KLHL36: variants seen among roughly 807,000 people sequenced by gnomAD.
The protein encoded by KLHL36 is kelch like family member 36.
In KLHL36, 35 loss-of-function variants were observed where a neutral mutation model predicts 53.3. The observed-to-expected ratio is 0.66, with a 90% CI of 0.50 to 0.87. The LOEUF (loss-of-function observed/expected upper bound fraction) is 0.87. Among genes scored for constraint, KLHL36 ranks in the 40% least tolerant of loss-of-function variants. The pLI is 0.00. For synonymous variants in KLHL36, 472 were observed against 398.9 expected, an observed-to-expected ratio of 1.18 and a Z score of -2.18; for missense variants, 864 against 897.6, an observed-to-expected ratio of 0.96 and a Z score of 0.48.
chr16:84,656,487 C>G (rs1344736232), intron 2 of KLHL36, among the ~76,000 whole-genome samples: 2 of 151,482 alleles, frequency 1.3e-5, no homozygotes, highest in African/African-American at 4.9e-5. Flanking sequence ...CCAGGCTGCT[C>G]TCAAACTCCA....
chr16:84,659,617 C>A (rs761621906), intron 3 of KLHL36, 143 bp from the exon 4 acceptor site: 4 of 827,732 alleles, frequency 4.8e-6, no homozygotes, highest in Non-Finnish European at 7.6e-6. Flanking sequence ...CCTGAAGAAG[C>A]CCTCTTTATT....
intron 2 of KLHL36, among the ~76,000 whole-genome samples, chr16:84,652,483 A>G (rs1401947284): frequency 1.3e-5 from 2 of 152,044 alleles, no homozygotes; most frequent in Admixed American, 6.6e-5. Context: ...GTTGGCCAGG[A>G]TGGTCTTGAT....
Position 84,657,766 on chromosome 16 carries a change from C to G in KLHL36, c.959C>G (p.Ala320Gly), listed in dbSNP as rs1251109294. ...ELSDDTCYLDAKSEQWVKETP... is the reference protein window; with the variant it reads ...ELSDDTCYLDGKSEQWVKETP... The stretch of plus-strand genomic sequence containing the variant: ...AGTGACGACACCTGCTACCTGGACG[C>G]CAAGAGCGAGCAGTGGGTCAAAGAG... The change falls in exon 3 of 5, where the codon GCC becomes GGC. Residue 320 changes from alanine to glycine, a missense_variant. Physicochemically the swap from Ala to Gly is moderately conservative, Grantham distance 60. Coordinates refer to ENST00000564996, the MANE Select transcript of KLHL36 (RefSeq NM_024731.4). 3 of 1,611,270 alleles carry G rather than the reference C, an allele frequency of 1.9e-6. No individual in the cohort carries two copies. Among genetic ancestry groups the G allele is most frequent in the African/African-American group, 2.7e-5 (2 of 74,928 alleles).
chr16:84,651,906 T>A (rs1906907332), intron 2 of KLHL36, among the ~76,000 whole-genome samples: 1 of 152,108 alleles, frequency 6.6e-6, no homozygotes, highest in South Asian at 2.1e-4. Context: ...CTTCTTTAGA[T>A]GAAGGGAGCT....
intron 2 of KLHL36, among the ~76,000 whole-genome samples, chr16:84,652,112 C>T (rs977179220): frequency 6.6e-6 from 1 of 152,198 alleles, no homozygotes; most frequent in South Asian, 2.1e-4. Flanking sequence ...GCCGCTCGCT[C>T]ACAAGGGCTT....
At chr16:84,659,515 C>A in intron 3 of KLHL36, 2 of 480,688 alleles carry the variant, frequency 4.2e-6, no homozygotes, top group South Asian at 2.9e-5. Context: ...TTCAGAGCAT[C>A]TCCATCCCCC....
chr16:84,663,293 C>T lies in KLHL36; in HGVS notation c.*1160C>T, dbSNP rs1287309694. 1 of 152,282 alleles carries T rather than the reference C, an allele frequency of 6.6e-6. No homozygotes were observed. The highest frequency in any genetic ancestry group is 2.4e-5 in the African/African-American group (1 of 41,454). 9.4% of individuals were successfully genotyped at this position (152,282 alleles called of 1,614,324 possible). A position where few individuals can be genotyped will look rare whatever the true frequency, so the allele number is the denominator to read the frequency against. Reference sequence around the variant, plus strand: ...GATGGAATACCCTCCAGGCTCCTCCCGGGTGATAGGGCCATTCAGCCTCTG... The same window carrying T: ...GATGGAATACCCTCCAGGCTCCTCCTGGGTGATAGGGCCATTCAGCCTCTG... On this transcript the variant is annotated 3_prime_UTR_variant, in exon 5 of 5. Coordinates refer to ENST00000564996, the MANE Select transcript of KLHL36 (RefSeq NM_024731.4).
intron 1 of KLHL36, among the ~76,000 whole-genome samples, chr16:84,650,332 G>A (rs1906782447): frequency 6.6e-6 from 1 of 152,152 alleles, no homozygotes. Flanking sequence ...TCATTCAGCA[G>A]CGTGTCATGG....
intron 2 of KLHL36, among the ~76,000 whole-genome samples, chr16:84,653,772 G>A (rs1324679596): frequency 1.3e-5 from 2 of 151,076 alleles, no homozygotes; most frequent in African/African-American, 2.4e-5. Flanking sequence ...CCTGGGAGGC[G>A]GAGGTTGCAG....
intron 1 of KLHL36, chr16:84,649,240 C>T (rs1419080693): frequency 2.6e-5 from 4 of 152,488 alleles, no homozygotes; most frequent in Non-Finnish European, 4.4e-5. Context: ...TGACGTCCAA[C>T]ACGGGTGGAA....
In KLHL36 at chr16:84,657,380, G is replaced by A. The variant is rs748498780; in HGVS notation, c.573G>A (p.Gln191=). The A allele has an allele frequency of 6.2e-7, 1 of 1,609,958 alleles. No individual in the cohort carries two copies. Among genetic ancestry groups the A allele is most frequent in the Non-Finnish European group, 8.5e-7 (1 of 1,180,006 alleles). The change falls in exon 3 of 5, where the codon CAG becomes CAA. Residue 191 remains glutamine (Q), a synonymous_variant. Transcript: ENST00000564996. ...TPDFLQNVSM[Q]KLCVYLSSSE... is the part of the protein sequence containing the mutation. ...ACTTCCTGCAGAACGTCTCCATGCAGAAGCTGTGTGTCTACCTGAGCAGCA... is the reference window on the plus strand; with the variant it reads ...ACTTCCTGCAGAACGTCTCCATGCAAAAGCTGTGTGTCTACCTGAGCAGCA...
At chr16:84,653,419 CT>C (rs1244510292) in intron 2 of KLHL36, among the ~76,000 whole-genome samples, 2 of 152,050 alleles carry the variant, frequency 1.3e-5, no homozygotes, top group Non-Finnish European at 2.9e-5. Context: ...TGGATTGGAG[CT>C]TCTAAGTTAC....
At position 84,661,243 on chromosome 16, in the gene KLHL36, G is replaced by A. The variant is rs1402400602; in HGVS notation, c.1296-335G>A. Among the ~76,000 whole-genome samples, 1 of 152,186 alleles carries A rather than the reference G, an allele frequency of 6.6e-6. No individual in the cohort carries two copies. Among genetic ancestry groups the A allele is most frequent in the African/African-American group, 2.4e-5 (1 of 41,438 alleles). ...TGATTCATCGGGTGCATGTGTGCCT[G>A]CTAGCTCATTGTTCTAGTCGTTTCC... On this transcript the variant is annotated intron_variant, in intron 4 of 4. Coordinates refer to ENST00000564996, the MANE Select transcript of KLHL36 (RefSeq NM_024731.4). This position sits in a 1 kb window ranked among gnomAD's most constrained non-coding sequence, Gnocchi z 7.9.
intron 2 of KLHL36, among the ~76,000 whole-genome samples, chr16:84,654,602 T>C (rs1483477763): frequency 2.0e-5 from 3 of 146,372 alleles, no homozygotes; most frequent in Non-Finnish European, 3.0e-5. Flanking sequence ...TGTTTTGTTT[T>C]GTTTTGTTTT....
rs1039584171 is a variant in KLHL36 at position 84,666,609 on chromosome 16, C to T, written c.*4476C>T. The T allele has an allele frequency of 2.0e-5, 3 of 152,206 alleles. No homozygotes were observed. In the South Asian group the frequency reaches 6.2e-4, roughly 32 times the overall value. 9.4% of individuals were successfully genotyped at this position (152,206 alleles called of 1,614,324 possible). A position where few individuals can be genotyped will look rare whatever the true frequency, so the allele number is the denominator to read the frequency against. On this transcript the variant is annotated 3_prime_UTR_variant, in exon 5 of 5. Coordinates refer to ENST00000564996, the MANE Select transcript of KLHL36 (RefSeq NM_024731.4). ...ACTGGGGTCCTGGTTTACTCCCGCC[C>T]ACCCTTTCTTTTAAAGTATTCTTAA... is the stretch of plus-strand genomic sequence containing the variant.
In KLHL36 at chr16:84,657,301, C is replaced by T. The variant is rs754795184; in HGVS notation, c.494C>T (p.Ala165Val). 5 of 1,613,938 alleles carry T rather than the reference C, an allele frequency of 3.1e-6. No individual in the cohort carries two copies. The highest frequency in any genetic ancestry group is 4.2e-6 in the Non-Finnish European group (5 of 1,180,030). ...ASIYSLKRLD[A>V]FIDGFILNHF... ...ATCTACAGCCTCAAGCGGCTTGATG[C>T]CTTCATCGATGGCTTCATCCTGAAC... Residue 165 changes from alanine to valine, a missense_variant, in exon 3 of 5, where the codon GCC (alanine) becomes GTC (valine). Physicochemically the swap from Ala to Val is moderately conservative, Grantham distance 64 (BLOSUM62 0). Coordinates refer to ENST00000564996, the MANE Select transcript of KLHL36 (RefSeq NM_024731.4).
At position 84,661,017 on chromosome 16, in the gene KLHL36, A is replaced by G. The variant is rs1029021781; in HGVS notation, c.1296-561A>G. On this transcript the variant is annotated intron_variant, in intron 4 of 4. Coordinates refer to ENST00000564996, the MANE Select transcript of KLHL36 (RefSeq NM_024731.4). This position sits in a 1 kb window ranked among gnomAD's most constrained non-coding sequence, Gnocchi z 7.9. ...TGGGTTTTGAGGAACACAAAGCAAC[A>G]TGAATCCACCATTACAGCATCACGC... Among the ~76,000 whole-genome samples, 2 of 152,168 alleles carry G rather than the reference A, an allele frequency of 1.3e-5. No individual in the cohort carries two copies. The highest frequency in any genetic ancestry group is 4.8e-5 in the African/African-American group (2 of 41,438).
chr16:84,653,504 G>T (rs764801047), intron 2 of KLHL36, among the ~76,000 whole-genome samples: 22 of 152,190 alleles, frequency 1.4e-4, no homozygotes, highest in Non-Finnish European at 2.8e-4. Context: ...GCTCACGCCT[G>T]GAATCCTAGA....
chr16:84,651,226 G>T (rs1428849495), intron 2 of KLHL36, among the ~76,000 whole-genome samples: 3 of 152,144 alleles, frequency 2.0e-5, no homozygotes, highest in Non-Finnish European at 4.4e-5. Flanking sequence ...AGGTGGATGG[G>T]ACAGGAAGAA....
Sources: gnomAD v4.1 joint callset for allele counts (sites outside exome capture counted in the v4.1 genomes callset) on GRCh38, gnomAD v4.1.1 for gene constraint, Gnocchi (gnomAD v3.1) non-coding constraint, MANE v1.5 for transcripts, NCBI Gene and HGNC (gene_info 2026-07-23, HGNC 2026-07-21) for gene names.